Variants in RUNX1 observed in about 807,000 individuals in gnomAD.
RUNX1 encodes the protein runt-related transcription factor 1.
In RUNX1, 19 loss-of-function variants were observed where a neutral mutation model predicts 42.8. The observed-to-expected ratio is 0.44, with a 90% CI of 0.31 to 0.65. The LOEUF (loss-of-function observed/expected upper bound fraction) is 0.65. Among genes scored for constraint, RUNX1 ranks in the 30% least tolerant of loss-of-function variants. The probability of loss-of-function intolerance (pLI) is 0.07; values close to 1 mark genes in which losing one functional copy is unlikely to be tolerated. For missense variants in RUNX1, 528 were observed against 672.0 expected (o/e 0.79, Z 2.37); for synonymous variants, 271 against 289.4 (o/e 0.94, Z 0.64).
intron 4 of RUNX1, among the ~76,000 whole-genome samples, chr21:34,881,051 ATAG>A (rs1401910538): frequency 6.6e-6 from 1 of 152,214 alleles, no homozygotes; most frequent in Non-Finnish European, 1.5e-5. Flanking sequence ...TCATAAAGCC[ATAG>A]TAGGTCACAT....
At chr21:34,942,927 A>G (rs1056886418) in intron 2 of RUNX1, among the ~76,000 whole-genome samples, 1 of 152,214 alleles carries the variant, frequency 6.6e-6, no homozygotes, top group African/African-American at 2.4e-5. Flanking sequence ...CCAGATGCAC[A>G]TATCAACTGT....
rs886057033 is a variant in RUNX1, at chr21:34,788,997, G to C, written c.*3138C>G. On this transcript the variant is annotated 3_prime_UTR_variant, in exon 9 of 9. Transcript: ENST00000675419. Reference sequence around the variant, plus strand: ...ACCATTCATTTCCTTTCTAATCAGAGCATTTCTGTTTATCTGCACAGAAAC... The same window carrying C: ...ACCATTCATTTCCTTTCTAATCAGACCATTTCTGTTTATCTGCACAGAAAC... 4 of 233,192 alleles carry C rather than the reference G, an allele frequency of 1.7e-5. No individual in the cohort carries two copies. The highest frequency in any genetic ancestry group is 6.0e-5 in the East Asian group (1 of 16,602). The allele number at this position is 233,192 out of a possible 1,614,324, so 14.4% of individuals were successfully genotyped here. A position where few individuals can be genotyped will look rare whatever the true frequency, so the allele number is the denominator to read the frequency against.
intron 5 of RUNX1, among the ~76,000 whole-genome samples, chr21:34,871,101 G>C (rs917679560): frequency 2.0e-5 from 3 of 152,176 alleles, no homozygotes; most frequent in African/African-American, 7.2e-5. Context: ...GAAAATTCCT[G>C]TGAGCCCACT....
intron 2 of RUNX1, among the ~76,000 whole-genome samples, chr21:34,924,943 G>A (rs2058382031): frequency 6.6e-6 from 1 of 151,058 alleles, no homozygotes; most frequent in Admixed American, 6.6e-5. Context: ...TTGTTATAAG[G>A]GCACTAATTC....
At chr21:35,038,655 G>A in intron 2 of RUNX1, 1 of 363,598 alleles carries the variant, frequency 2.8e-6, no homozygotes, top group Non-Finnish European at 5.6e-6. Context: ...GTGAGATAGA[G>A]AGAGAGAGAG....
intron 2 of RUNX1, among the ~76,000 whole-genome samples, chr21:35,012,653 T>C (rs757124684): frequency 6.6e-6 from 1 of 152,224 alleles, no homozygotes; most frequent in Non-Finnish European, 1.5e-5. Context: ...TGTCCACATC[T>C]ATATGGACAT....
intron 2 of RUNX1, among the ~76,000 whole-genome samples, chr21:34,929,800 T>C (rs1445700582): frequency 3.3e-5 from 5 of 152,170 alleles, no homozygotes; most frequent in African/African-American, 9.7e-5. Context: ...GTCTATCCTT[T>C]TTAACACACA....
chr21:34,977,993 G>T (rs2058815943), intron 2 of RUNX1, among the ~76,000 whole-genome samples: 1 of 151,734 alleles, frequency 6.6e-6, no homozygotes, highest in African/African-American at 2.4e-5. Flanking sequence ...AGTGATCTTG[G>T]CTCACTGCAA....
intron 2 of RUNX1, among the ~76,000 whole-genome samples, chr21:34,994,470 G>A (rs547756076): frequency 2.0e-5 from 3 of 152,106 alleles, no homozygotes; most frequent in Non-Finnish European, 4.4e-5. Flanking sequence ...CATTTTCCAT[G>A]ACGTGATTAT....
intron 2 of RUNX1, among the ~76,000 whole-genome samples, chr21:34,979,827 C>T (rs973558894): frequency 6.6e-6 from 1 of 151,996 alleles, no homozygotes; most frequent in Non-Finnish European, 1.5e-5. Flanking sequence ...TTTTTTTCTC[C>T]CCTTGGTCCC....
At chr21:34,964,193 A>C (rs2058701565) in intron 2 of RUNX1, among the ~76,000 whole-genome samples, 1 of 152,212 alleles carries the variant, frequency 6.6e-6, no homozygotes, top group Non-Finnish European at 1.5e-5. Flanking sequence ...AGCTGAACTC[A>C]AGAAGTTCAG....
intron 2 of RUNX1, among the ~76,000 whole-genome samples, chr21:34,902,325 G>A (rs979817713): frequency 4.6e-5 from 7 of 152,204 alleles, no homozygotes; most frequent in African/African-American, 1.7e-4. Flanking sequence ...GACCCTTGGT[G>A]AGCTGGTAGA....
chr21:34,797,009 T>C (rs1232904120), intron 8 of RUNX1, among the ~76,000 whole-genome samples: 1 of 152,184 alleles, frequency 6.6e-6, no homozygotes, highest in African/African-American at 2.4e-5. Context: ...CAGAGCAGTG[T>C]CAGGTTCTCA....
intron 2 of RUNX1, among the ~76,000 whole-genome samples, chr21:34,954,681 A>C (rs1306137966): frequency 6.6e-6 from 1 of 151,742 alleles, no homozygotes; most frequent in Non-Finnish European, 1.5e-5. Context: ...AATCCCACCC[A>C]CCCTCTCTCC....
intron 2 of RUNX1, among the ~76,000 whole-genome samples, chr21:34,898,384 T>C (rs1015517137): frequency 6.6e-6 from 1 of 152,216 alleles, no homozygotes. Context: ...GGGCATGCTC[T>C]TTCCCTCTCC....
intron 2 of RUNX1, among the ~76,000 whole-genome samples, chr21:35,035,448 G>T (rs749745937): frequency 6.6e-6 from 1 of 152,214 alleles, no homozygotes; most frequent in Non-Finnish European, 1.5e-5. Context: ...CTCCAACCGA[G>T]TTCTGCCTCC....
At chr21:34,898,898 A>G (rs1179911347) in intron 2 of RUNX1, among the ~76,000 whole-genome samples, 1 of 152,132 alleles carries the variant, frequency 6.6e-6, no homozygotes, top group Non-Finnish European at 1.5e-5. Flanking sequence ...TGGAGGATCC[A>G]GTATCTCAGA....
chr21:34,889,943 G>C, intron 3 of RUNX1: 4 of 766,680 alleles, frequency 5.2e-6, no homozygotes, highest in Non-Finnish European at 6.3e-6. Flanking sequence ...GTTCCACCGC[G>C]GGCTGCTTTG....
chr21:34,832,749 TG>T (rs913269416), intron 7 of RUNX1, among the ~76,000 whole-genome samples: 2 of 151,976 alleles, frequency 1.3e-5, no homozygotes, highest in African/African-American at 2.4e-5. Flanking sequence ...GCTTGTATTT[TG>T]GAATTTAAAA....
Sources: allele counts gnomAD v4.1 joint callset (sites outside exome capture counted in the v4.1 genomes callset), GRCh38; gene constraint gnomAD v4.1.1; transcripts MANE v1.5; gene names NCBI Gene and HGNC (gene_info 2026-07-23, HGNC 2026-07-21).